ASIC2: variants seen among roughly 807,000 people sequenced by gnomAD.
The protein encoded by ASIC2 is acid-sensing ion channel 2.
ASIC2 carries 25 observed loss-of-function variants against 57.3 expected under a neutral mutation model. That is an observed-to-expected ratio of 0.44 (90% confidence interval 0.32 to 0.61). The LOEUF (loss-of-function observed/expected upper bound fraction) is 0.61. Ranked by LOEUF, ASIC2 falls within the 20% of genes least tolerant of loss-of-function variation. The probability of loss-of-function intolerance (pLI) is 0.06; values close to 1 mark genes in which losing one functional copy is unlikely to be tolerated. For synonymous variants in ASIC2, 319 were observed against 307.5 expected (o/e 1.04, Z -0.39); for missense variants, 641 against 738.1 (o/e 0.87, Z 1.52).
At chr17:33,073,434 G>T (rs2092077082) in intron 3 of ASIC2, among the ~76,000 whole-genome samples, 1 of 152,312 alleles carries the variant, frequency 6.6e-6, no homozygotes, top group Middle Eastern at 3.4e-3. Flanking sequence ...GAATCTGAAA[G>T]GTCGGGGTTT....
At chr17:33,414,264 T>C (rs1309198566) in intron 1 of ASIC2, among the ~76,000 whole-genome samples, 1 of 152,006 alleles carries the variant, frequency 6.6e-6, no homozygotes, top group African/African-American at 2.4e-5. Context: ...GGTTAGACCA[T>C]GCAGGGATGG....
At chr17:34,039,133 C>T (rs908242317) in intron 1 of ASIC2, 16 of 1,613,852 alleles carry the variant, frequency 9.9e-6, no homozygotes, top group South Asian at 2.2e-5. Flanking sequence ...ATCAATCTGC[C>T]GTCTCAAATC....
chr17:33,710,281 A>C (rs1207085466), intron 1 of ASIC2, among the ~76,000 whole-genome samples: 1 of 152,070 alleles, frequency 6.6e-6, no homozygotes, highest in Non-Finnish European at 1.5e-5. Context: ...CCATCTAGTC[A>C]CTCTTTTATT....
intron 1 of ASIC2, among the ~76,000 whole-genome samples, chr17:33,328,182 G>A (rs1340794913): frequency 6.6e-6 from 1 of 152,210 alleles, no homozygotes; most frequent in Non-Finnish European, 1.5e-5. Flanking sequence ...GATGGTGACT[G>A]AGGAGGAGAA....
chr17:33,808,057 C>G (rs935755170), intron 1 of ASIC2, among the ~76,000 whole-genome samples: 1 of 152,176 alleles, frequency 6.6e-6, no homozygotes. Context: ...CAGTTATCAA[C>G]TTTTTCTTTC....
intron 1 of ASIC2, among the ~76,000 whole-genome samples, chr17:33,686,152 GAATTCTACA>G (rs1228907003): frequency 6.6e-6 from 1 of 152,184 alleles, no homozygotes; most frequent in African/African-American, 2.4e-5. Context: ...CTGCAGCAGG[GAATTCTACA>G]ATGGCTGGAG....
At chr17:33,986,873 A>G (rs1053596181) in intron 1 of ASIC2, among the ~76,000 whole-genome samples, 2 of 152,138 alleles carry the variant, frequency 1.3e-5, no homozygotes, top group Non-Finnish European at 2.9e-5. Context: ...CACAACACCA[A>G]TGTGGCAAAG....
At chr17:33,252,701 T>A (rs1326665000) in intron 1 of ASIC2, among the ~76,000 whole-genome samples, 1 of 152,002 alleles carries the variant, frequency 6.6e-6, no homozygotes, top group South Asian at 2.1e-4. Flanking sequence ...CTTGACTCTA[T>A]TTCTTGGCAA....
At chr17:33,538,912 T>C (rs1915320431) in intron 1 of ASIC2, among the ~76,000 whole-genome samples, 1 of 152,272 alleles carries the variant, frequency 6.6e-6, no homozygotes, top group African/African-American at 2.4e-5. Flanking sequence ...ATCTTCTAAA[T>C]CTATAAAGTG....
At chr17:33,215,573 A>G (rs1355304089) in intron 1 of ASIC2, among the ~76,000 whole-genome samples, 3 of 152,258 alleles carry the variant, frequency 2.0e-5, no homozygotes, top group Non-Finnish European at 4.4e-5. Context: ...TAAAAAATCT[A>G]AAACATTAAG....
At chr17:33,145,125 C>A (rs1417566918) in intron 1 of ASIC2, among the ~76,000 whole-genome samples, 5 of 152,218 alleles carry the variant, frequency 3.3e-5, no homozygotes, top group Non-Finnish European at 7.3e-5. Context: ...CTTCTATGTT[C>A]TTCTTTGATG....
rs1423310613 is a variant in ASIC2, at chr17:34,156,468, T to C, written c.65A>G (p.Asn22Ser). 1.2e-6 allele frequency: 2 copies of C among 1,613,904 alleles called. No homozygotes were observed. Among genetic ancestry groups the C allele is most frequent in the South Asian group, 2.2e-5 (2 of 91,060 alleles). Residue 22 changes from asparagine to serine, a missense_variant, in exon 1 of 10, where the codon AAC becomes AGC. Coordinates refer to the ASIC2 transcript ENST00000359872. The surrounding 1 kb of genome is among the most constrained non-coding windows in gnomAD (Gnocchi z 4.4). ...GCGGATGCCATGGAGGGTGGAGGTG[T>C]TGGCAAAGATCTGGATGCTAGAAGG...
intron 1 of ASIC2, among the ~76,000 whole-genome samples, chr17:33,748,095 G>A (rs1910321626): frequency 6.6e-6 from 1 of 152,236 alleles, no homozygotes; most frequent in Non-Finnish European, 1.5e-5. Flanking sequence ...ATGTAACAGA[G>A]TTGAGCTTTG....
rs185987325 is a variant in ASIC2 at position 33,557,811 on chromosome 17, C to A, written c.556-445744G>T. 8.5e-5 allele frequency among the ~76,000 whole-genome samples: 13 copies of A among 152,238 alleles called. No homozygotes were observed. The East Asian group carries it at 2.5e-3, about 29-fold the overall frequency. ...TATACTAAATATCCCTCCTAAAAAT[C>A]TTTTGAAAACATCTACTTATCTCCA... On this transcript the variant is annotated intron_variant, in intron 1 of 9. Transcript: ENST00000359872.
At chr17:33,340,250 C>G (rs1243698944) in intron 1 of ASIC2, among the ~76,000 whole-genome samples, 1 of 152,076 alleles carries the variant, frequency 6.6e-6, no homozygotes, top group Non-Finnish European at 1.5e-5. Flanking sequence ...CTCCTGGAAG[C>G]TGGAGTGGGC....
chr17:33,199,431 C>A (rs972740380), intron 1 of ASIC2, among the ~76,000 whole-genome samples: 1 of 152,120 alleles, frequency 6.6e-6, no homozygotes. Context: ...AACCACAGAG[C>A]AGGGTTCAAA....
chr17:33,285,109 C>G (rs1015516747), intron 1 of ASIC2, among the ~76,000 whole-genome samples: 3 of 152,170 alleles, frequency 2.0e-5, no homozygotes, highest in Admixed American at 6.5e-5. Flanking sequence ...GGCAACCGAC[C>G]CGCGAAGCAA....
chr17:33,334,686 A>C (rs1169132465), intron 1 of ASIC2, among the ~76,000 whole-genome samples: 1 of 152,214 alleles, frequency 6.6e-6, no homozygotes, highest in African/African-American at 2.4e-5. Context: ...TTAGAATGCA[A>C]GCAACTGCTC....
chr17:34,007,604 T>C (rs539831167), intron 1 of ASIC2, among the ~76,000 whole-genome samples: 1 of 152,208 alleles, frequency 6.6e-6, no homozygotes, highest in Non-Finnish European at 1.5e-5. Context: ...TGATATCACA[T>C]GGAATGCATG....
Sources: allele counts gnomAD v4.1 joint callset (sites outside exome capture counted in the v4.1 genomes callset), GRCh38; gene constraint gnomAD v4.1.1; non-coding constraint Gnocchi (gnomAD v3.1); transcripts MANE v1.5; gene names NCBI Gene and HGNC (gene_info 2026-07-23, HGNC 2026-07-21).